Variants in EPB41L2 observed in about 807,000 individuals in gnomAD.
EPB41L2 encodes the protein band 4.1-like protein 2.
Under a neutral mutation model 113.0 loss-of-function variants are expected in EPB41L2, and 43 were observed. The ratio of observed to expected loss-of-function variants is 0.38; its 90% CI spans 0.30 to 0.49. The LOEUF is 0.49. EPB41L2 is among the 20% of genes least tolerant of loss of function. The pLI, the probability that EPB41L2 is intolerant of heterozygous loss-of-function variation, is 0.95. For missense variants in EPB41L2, 1,147 were observed against 1,223.4 expected, an observed-to-expected ratio of 0.94 and a Z score of 0.93; for synonymous variants, 442 against 436.7, an observed-to-expected ratio of 1.01 and a Z score of -0.15.
intron 14 of EPB41L2, among the ~76,000 whole-genome samples, chr6:130,875,721 G>A (rs887452088): frequency 7.2e-5 from 11 of 152,092 alleles, no homozygotes; most frequent in African/African-American, 2.2e-4. Context: ...ATCACCAGCC[G>A]GGTGTGGTGG....
At chr6:130,890,507 G>A in intron 10 of EPB41L2, 41 bp from the exon 11 acceptor site, 1 of 1,557,608 alleles carries the variant, frequency 6.4e-7, no homozygotes, top group South Asian at 1.2e-5. Flanking sequence ...AGAGAAAGGG[G>A]AAGCAAAATT....
chr6:131,051,472 A>T (rs1796541991), intron 1 of EPB41L2, among the ~76,000 whole-genome samples: 1 of 147,514 alleles, frequency 6.8e-6, no homozygotes, highest in African/African-American at 2.6e-5. Flanking sequence ...AAAAACACAC[A>T]CACACACACA....
intron 14 of EPB41L2, among the ~76,000 whole-genome samples, chr6:130,871,324 A>T (rs1005958678): frequency 1.3e-5 from 2 of 152,196 alleles, no homozygotes; most frequent in Non-Finnish European, 2.9e-5. Context: ...TCTAGGTGGT[A>T]CTACTGCCTA....
chr6:130,877,891 A>G (rs1041276846), intron 14 of EPB41L2, among the ~76,000 whole-genome samples: 2 of 152,136 alleles, frequency 1.3e-5, no homozygotes, highest in African/African-American at 4.8e-5. Flanking sequence ...AACTATTTCA[A>G]AAGTATTTTG....
rs61686875 is a variant in EPB41L2 at position 130,851,786 on chromosome 6, T to G, written c.*5+6345A>C. On this transcript the variant is annotated intron_variant, in intron 19 of 19. Coordinates refer to ENST00000337057, the MANE Select transcript of EPB41L2 (RefSeq NM_001431.4). ...TATTTAATACTTGGTTACTCTCTCCTTCTTGAAGTTATCTTGCCTTGCAGC... is the reference window on the plus strand; with the variant it reads ...TATTTAATACTTGGTTACTCTCTCCGTCTTGAAGTTATCTTGCCTTGCAGC... Among the ~76,000 whole-genome samples the G allele has an allele frequency of 1.9e-3, 282 of 152,332 alleles. 13 individuals are homozygous for G. The East Asian group carries it at 0.047, about 26-fold the overall frequency.
At chr6:130,850,293 A>G (rs1194322097) in intron 19 of EPB41L2, among the ~76,000 whole-genome samples, 1 of 152,134 alleles carries the variant, frequency 6.6e-6, no homozygotes. Flanking sequence ...ACTTTTAAAC[A>G]TATTTGCCCT....
intron 4 of EPB41L2, among the ~76,000 whole-genome samples, chr6:130,926,268 T>C (rs1173256108): frequency 6.6e-6 from 1 of 152,228 alleles, no homozygotes; most frequent in Non-Finnish European, 1.5e-5. Flanking sequence ...GACTGAGTGA[T>C]TGAGAGCCAA....
In EPB41L2 at chr6:131,012,311, A is replaced by G. The variant is rs1261965255; in HGVS notation, c.-15+50844T>C. 8.6e-5 allele frequency among the ~76,000 whole-genome samples: 13 copies of G among 150,962 alleles called. 1 individual carries two copies. Among genetic ancestry groups the G allele is most frequent in the Non-Finnish European group, 2.9e-5 (2 of 67,892 alleles). On this transcript the variant is annotated intron_variant, in intron 1 of 19. Coordinates refer to ENST00000337057, the MANE Select transcript of EPB41L2 (RefSeq NM_001431.4). ...TTAGATTTAGCCTGGGCCCTGTGTT[A>G]GCTAAGTCAGGGTTTCTCAACCTCC... is the stretch of plus-strand genomic sequence containing the variant.
At chr6:130,983,680 C>T (rs1779885352) in intron 1 of EPB41L2, among the ~76,000 whole-genome samples, 1 of 152,022 alleles carries the variant, frequency 6.6e-6, no homozygotes, top group South Asian at 2.1e-4. Context: ...AGGCACACAC[C>T]ACCTGCCCTG....
At chr6:130,951,312 CTTTTTTTTTTTTTTTTTT>C (rs34082234) in intron 3 of EPB41L2, among the ~76,000 whole-genome samples, 1 of 50,818 alleles carries the variant, frequency 2.0e-5, no homozygotes, top group African/African-American at 1.3e-4. Context: ...AGCCTCAGTA[CTTTTTTTTTTTTTTTTTT>C]TTTTTTTTTT....
Position 130,865,608 on chromosome 6 carries a change from C to A in EPB41L2, c.2757G>T (p.Ser919=), listed in dbSNP as rs779533012. The change falls in exon 17 of 20, where the codon TCG becomes TCT. Residue 919 remains serine (S), a synonymous_variant. Coordinates refer to ENST00000337057, the MANE Select transcript of EPB41L2 (RefSeq NM_001431.4). ...PQIDGGAGGD[S]GTLLTAQTIT... is the part of the protein sequence containing the mutation. ...TGGTTTGTGCGGTCAGTAACGTGCC[C>A]GAATCACCACCAGCCCCGCCATCAA... is the stretch of plus-strand genomic sequence containing the variant. 3 of 1,614,034 alleles carry A rather than the reference C, an allele frequency of 1.9e-6. No homozygotes were observed. The South Asian group carries it at 3.3e-5, about 18-fold the overall frequency.
chr6:130,885,188 G>A lies in EPB41L2; in HGVS notation c.1741C>T (p.Leu581Phe), dbSNP rs1305269816. 17 of 1,613,976 alleles carry A rather than the reference G, an allele frequency of 1.1e-5. No homozygotes were observed. The highest frequency in any genetic ancestry group is 4.5e-5 in the East Asian group (2 of 44,866). ...TCTTGTACCACGGCAATGCTGACAA[G>A]TCCAGGTCCATAGGCTGAAATCTCC... ...AGEISAYGPG[L>F]VSIAVVQDGD... Residue 581 changes from leucine (L) to phenylalanine (F), a missense_variant, in exon 12 of 20, where the codon CTT becomes TTT. Transcript: ENST00000337057.
intron 1 of EPB41L2, among the ~76,000 whole-genome samples, chr6:130,987,695 AAATGAATGAATG>A (rs3031721): frequency 8.0e-4 from 119 of 148,324 alleles, no homozygotes; most frequent in African/African-American, 2.1e-3. Flanking sequence ...TCTGTCTCAT[AAATGAATGAATG>A]AATGAATGAA....
intron 1 of EPB41L2, among the ~76,000 whole-genome samples, chr6:130,961,713 G>A (rs4487607): frequency 6.6e-6 from 1 of 152,096 alleles, no homozygotes; most frequent in African/African-American, 2.4e-5. Flanking sequence ...CAGGGAACAG[G>A]GTAGGTGCTG....
chr6:130,961,260 G>C (rs2128633241), intron 1 of EPB41L2, among the ~76,000 whole-genome samples: 1 of 152,272 alleles, frequency 6.6e-6, no homozygotes, highest in Non-Finnish European at 1.5e-5. Flanking sequence ...CATTAGACAA[G>C]CATGTGGTTT....
chr6:130,992,071 T>C (rs566758230), intron 1 of EPB41L2, among the ~76,000 whole-genome samples: 5 of 152,176 alleles, frequency 3.3e-5, no homozygotes, highest in African/African-American at 1.2e-4. Flanking sequence ...ATTACACACA[T>C]GTTGAGTAAA....
intron 1 of EPB41L2, among the ~76,000 whole-genome samples, chr6:131,057,252 G>A (rs1687171001): frequency 6.6e-6 from 1 of 152,008 alleles, no homozygotes; most frequent in Non-Finnish European, 1.5e-5. Flanking sequence ...CAGAGATGCT[G>A]CACACACACA....
At chr6:130,849,036 C>G (rs1285222622) in intron 19 of EPB41L2, among the ~76,000 whole-genome samples, 3 of 152,118 alleles carry the variant, frequency 2.0e-5, no homozygotes, top group Non-Finnish European at 4.4e-5. Flanking sequence ...AAAGTCATAA[C>G]CACCACCCCA....
At chr6:130,997,827 A>G (rs1783502936) in intron 1 of EPB41L2, among the ~76,000 whole-genome samples, 1 of 152,212 alleles carries the variant, frequency 6.6e-6, no homozygotes, top group Non-Finnish European at 1.5e-5. Context: ...GGAAGAATTA[A>G]AAGAAACTAT....
Sources: gnomAD v4.1 joint callset for allele counts (sites outside exome capture counted in the v4.1 genomes callset) on GRCh38, gnomAD v4.1.1 for gene constraint, MANE v1.5 for transcripts, NCBI Gene and HGNC (gene_info 2026-07-23, HGNC 2026-07-21) for gene names.